Variants in RECQL observed in about 807,000 individuals in gnomAD.
RECQL encodes ATP-dependent DNA helicase Q1.
In RECQL, 73 loss-of-function variants were observed where a neutral mutation model predicts 75.8. The observed-to-expected ratio is 0.96, with a 90% CI of 0.80 to 1.17. RECQL has a LOEUF of 1.17. Among genes scored for constraint, RECQL ranks in the 50% most tolerant of loss-of-function variants. RECQL has a pLI of 0.00. For missense variants in RECQL, 699 were observed against 772.1 expected, an observed-to-expected ratio of 0.91 and a Z score of 1.12; for synonymous variants, 248 against 254.4, an observed-to-expected ratio of 0.97 and a Z score of 0.24.
At chr12:21,483,710 A>G (rs1240674597) in intron 5 of RECQL, 136 bp from the exon 6 acceptor site, 1 of 636,986 alleles carries the variant, frequency 1.6e-6, no homozygotes, top group East Asian at 3.1e-5. Flanking sequence ...TGTTTAGTTC[A>G]TTAAAACTGA....
intron 4 of RECQL, among the ~76,000 whole-genome samples, chr12:21,488,544 G>T (rs1943349133): frequency 6.6e-6 from 1 of 152,140 alleles, no homozygotes; most frequent in Non-Finnish European, 1.5e-5. Flanking sequence ...ATGTCTTAAA[G>T]GCATCGTAAA....
chr12:21,470,578 T>C (rs1388231706), intron 14 of RECQL: 3 of 481,978 alleles, frequency 6.2e-6, no homozygotes, highest in Non-Finnish European at 1.0e-5. Context: ...TTAGACACAA[T>C]GGCACTTGAC....
At chr12:21,483,830 CACAA>C (rs369871719) in intron 5 of RECQL, among the ~76,000 whole-genome samples, 132 of 152,146 alleles carry the variant, frequency 8.7e-4, no homozygotes, top group Non-Finnish European at 1.6e-3. Flanking sequence ...CAAAAAAGAA[CACAA>C]ACAGATACTC....
intron 2 of RECQL, among the ~76,000 whole-genome samples, chr12:21,496,703 C>T (rs7297524): frequency 1 from 152,026 of 152,330 alleles, 75,863 homozygotes; most frequent in East Asian, 1. Flanking sequence ...TGTTGAGATA[C>T]CTCTTCTAAA....
chr12:21,484,119 A>C (rs1943245622), intron 5 of RECQL, among the ~76,000 whole-genome samples: 1 of 152,134 alleles, frequency 6.6e-6, no homozygotes, highest in Non-Finnish European at 1.5e-5. Context: ...ATAAATCTTA[A>C]AAGGTAACAG....
chr12:21,496,159 G>A (rs1344615887), intron 2 of RECQL, among the ~76,000 whole-genome samples: 2 of 152,208 alleles, frequency 1.3e-5, no homozygotes, highest in Non-Finnish European at 2.9e-5. Context: ...TGACTTCCAT[G>A]TCGCATTCAA....
rs772428927 is a variant in RECQL, at chr12:21,476,988, C to T, written c.872G>A (p.Arg291Gln). Residue 291 changes from arginine (R) to glutamine (Q), a missense_variant, in exon 8 of 15, where the codon CGG becomes CAG. By Grantham distance (43) the Arg-to-Gln change is conservative. Around this residue, in one of 2 missense-constraint regions of RECQL, gnomAD observed 669 missense variants for 713.5 expected, o/e 0.94. Transcript: ENST00000444129. The part of the protein sequence containing the change: ...FNRPNLYYEV[R>Q]QKPSNTEDFI... Reference sequence around the variant, plus strand: ...ATCTTCAGTGTTTGAGGGCTTCTGCCGAACCTAAAAAAAACTTAACTTATT... The same window carrying T: ...ATCTTCAGTGTTTGAGGGCTTCTGCTGAACCTAAAAAAAACTTAACTTATT... The T allele has an allele frequency of 2.1e-5, 34 of 1,601,390 alleles. No individual in the cohort carries two copies. Among genetic ancestry groups the T allele is most frequent in the Admixed American group, 8.6e-5 (5 of 58,114 alleles).
chr12:21,470,891 G>A (rs1453725296), intron 14 of RECQL, 78 bp downstream of exon 14: 8 of 1,047,340 alleles, frequency 7.6e-6, no homozygotes, highest in Non-Finnish European at 1.0e-5. Context: ...GGACCTAGGG[G>A]AATATGACAG....
rs1943228073 is a variant in RECQL, at chr12:21,483,367, C to T, written c.700+9G>A. 6.3e-7 allele frequency: 1 copy of T among 1,589,338 alleles called. No homozygotes were observed. Among genetic ancestry groups the T allele is most frequent in the Non-Finnish European group, 8.6e-7 (1 of 1,168,954 alleles). The stretch of plus-strand genomic sequence containing the variant: ...ACATCAAAAAGTTTTCTAGATAAAA[C>T]ATACATACCAGGTCTGAAATCATGT... On this transcript the variant is annotated intron_variant, in intron 6 of 14. Coordinates refer to ENST00000444129, the MANE Select transcript of RECQL (RefSeq NM_002907.4).
intron 2 of RECQL, 37 bp from the exon 3 acceptor site, chr12:21,491,753 G>C: frequency 2.0e-6 from 3 of 1,538,012 alleles, no homozygotes; most frequent in Non-Finnish European, 2.6e-6. Context: ...ATTAGACAGA[G>C]TAAATTACAA....
At chr12:21,500,361 A>G (rs959109310) in intron 1 of RECQL, among the ~76,000 whole-genome samples, 9 of 152,140 alleles carry the variant, frequency 5.9e-5, no homozygotes, top group Admixed American at 5.9e-4. Context: ...GAAACTTTAA[A>G]TTCCCCATAA....
At chr12:21,474,701 G>T in intron 11 of RECQL, 140 bp downstream of exon 11, 2 of 728,586 alleles carry the variant, frequency 2.7e-6, no homozygotes, top group Non-Finnish European at 4.5e-6. Flanking sequence ...TGATGTGCTG[G>T]TTCCTACCCT....
chr12:21,491,462 G>A, intron 3 of RECQL, 57 bp downstream of exon 3: 1 of 1,445,058 alleles, frequency 6.9e-7, no homozygotes, highest in Non-Finnish European at 9.1e-7. Context: ...ATTCATTCTA[G>A]TTTTTTAAAA....
intron 7 of RECQL, 100 bp from the exon 8 acceptor site, chr12:21,477,092 G>T: frequency 2.7e-6 from 2 of 741,826 alleles, no homozygotes; most frequent in Admixed American, 3.3e-5. Context: ...TGACCATAGT[G>T]TTTTTTTTCC....
chr12:21,478,492 G>T (rs1211229261), intron 6 of RECQL, among the ~76,000 whole-genome samples: 1 of 152,220 alleles, frequency 6.6e-6, no homozygotes, highest in Non-Finnish European at 1.5e-5. Context: ...TGCTTGGGAA[G>T]TGAAGATTTC....
intron 2 of RECQL, among the ~76,000 whole-genome samples, chr12:21,495,415 T>C (rs1159090701): frequency 5.9e-5 from 9 of 151,984 alleles, no homozygotes; most frequent in Non-Finnish European, 1.3e-4. Context: ...GCTAACATGG[T>C]GAAACCCCGT....
chr12:21,473,425 T>C (rs554138075), intron 12 of RECQL, 126 bp downstream of exon 12: 2 of 716,034 alleles, frequency 2.8e-6, no homozygotes, highest in East Asian at 5.4e-5. Context: ...TCTAGGTTTA[T>C]GTAAGTACAC....
At chr12:21,486,418 G>A in intron 5 of RECQL, 61 bp downstream of exon 5, 1 of 1,495,438 alleles carries the variant, frequency 6.7e-7, no homozygotes, top group Non-Finnish European at 8.9e-7. Context: ...CTCAACTGCA[G>A]GTAAAGCTCC....
rs775756153 is a variant in RECQL, at chr12:21,471,501, C to T, written c.1594G>A (p.Val532Ile). 2.5e-6 allele frequency: 4 copies of T among 1,613,078 alleles called. No individual in the cohort carries two copies. In the South Asian group the frequency reaches 4.4e-5, roughly 18 times the overall value. ...KGAAKLRVAGVVAPTLPREDL... is the reference protein window; with the variant it reads ...KGAAKLRVAGIVAPTLPREDL... ...TCACGAGGAAGTGTGGGAGCCACAA[C>T]ACCTGCTACTCTCAGTTTTGCTGCA... is the stretch of plus-strand genomic sequence containing the variant. Residue 532 changes from valine to isoleucine, a missense_variant, in exon 13 of 15, where the codon GTT (valine) becomes ATT (isoleucine). Around this residue, in one of 2 missense-constraint regions of RECQL, gnomAD observed 669 missense variants for 713.5 expected, o/e 0.94. Coordinates refer to ENST00000444129, the MANE Select transcript of RECQL (RefSeq NM_002907.4).
Sources: gnomAD v4.1 joint callset for allele counts (sites outside exome capture counted in the v4.1 genomes callset) on GRCh38, gnomAD v4.1.1 for gene constraint, gnomAD v4.1.1 regional missense constraint, MANE v1.5 for transcripts, NCBI Gene and HGNC (gene_info 2026-07-23, HGNC 2026-07-21) for gene names.